SLIT1: variants seen among roughly 807,000 people sequenced by gnomAD.
SLIT1 encodes the protein slit homolog 1 protein.
A neutral mutation model predicts 186.1 loss-of-function variants in SLIT1; 66 were observed. The ratio of observed to expected loss-of-function variants is 0.35; its 90% confidence interval spans 0.29 to 0.44. The LOEUF is 0.44. Among genes scored for constraint, SLIT1 ranks in the 20% least tolerant of loss-of-function variants. SLIT1 has a pLI of 1.00. For synonymous variants in SLIT1, 761 were observed against 833.8 expected (o/e 0.91, Z 1.50); for missense variants, 1,638 against 2,037.4 (o/e 0.80, Z 3.77).
chr10:97,064,099 C>T, intron 7 of SLIT1, 69 bp downstream of exon 7: 1 of 1,315,614 alleles, frequency 7.6e-7, no homozygotes, highest in African/African-American at 1.5e-5. Context: ...CCTTCACCTC[C>T]TGCCCCACCC....
intron 4 of SLIT1, among the ~76,000 whole-genome samples, chr10:97,119,912 G>GATAT (rs1564680617): frequency 6.3e-5 from 1 of 15,840 alleles, no homozygotes; most frequent in East Asian, 1.5e-3. Flanking sequence ...TTTCCAAAGG[G>GATAT]GTATATATAT....
chr10:97,026,578 T>C (rs1848548191), intron 25 of SLIT1, among the ~76,000 whole-genome samples: 1 of 152,236 alleles, frequency 6.6e-6, no homozygotes, highest in Non-Finnish European at 1.5e-5. Context: ...AATCCTTCCA[T>C]ATTTCCTTTC....
intron 4 of SLIT1, among the ~76,000 whole-genome samples, chr10:97,089,888 G>A (rs1849212063): frequency 6.6e-6 from 1 of 152,176 alleles, no homozygotes; most frequent in Admixed American, 6.5e-5. Context: ...CACTAGCTGG[G>A]TGACTCTGAG....
intron 4 of SLIT1, among the ~76,000 whole-genome samples, chr10:97,087,099 T>TAAA (rs35370922): frequency 2.8e-5 from 4 of 140,794 alleles, no homozygotes; most frequent in Middle Eastern, 3.7e-3. Context: ...TTAAAACAAT[T>TAAA]AAAAAAAAAA....
At position 97,043,323 on chromosome 10, in the gene SLIT1, C is replaced by T. The variant is rs534778036; in HGVS notation, c.1997+47G>A. On this transcript the variant is annotated intron_variant, in intron 19 of 36. Transcript: ENST00000266058. This position sits in a 1 kb window ranked among gnomAD's most constrained non-coding sequence, Gnocchi z 7.0. ...AAGTGGCTGGCCGAGACGGTTGGGA[C>T]GGTTGCTCCAGAGCCCCCGCCCGCC... The T allele has an allele frequency of 3.4e-5, 55 of 1,609,536 alleles. No homozygotes were observed. Among genetic ancestry groups the T allele is most frequent in the East Asian group, 4.5e-5 (2 of 44,880 alleles).
chr10:97,067,654 G>A (rs1453957225), intron 4 of SLIT1, among the ~76,000 whole-genome samples: 1 of 152,174 alleles, frequency 6.6e-6, no homozygotes, highest in Non-Finnish European at 1.5e-5. Flanking sequence ...ATTTCACAGA[G>A]GAGGGAGCTG....
chr10:97,023,054 C>CT (rs777753810), intron 25 of SLIT1, among the ~76,000 whole-genome samples: 234 of 144,666 alleles, frequency 1.6e-3, no homozygotes, highest in African/African-American at 2.2e-3. Context: ...ATACGTGCCT[C>CT]TTTTTTTTTT....
intron 4 of SLIT1, among the ~76,000 whole-genome samples, chr10:97,079,269 TG>T (rs951917756): frequency 6.6e-6 from 1 of 152,082 alleles, no homozygotes; most frequent in Non-Finnish European, 1.5e-5. Flanking sequence ...TTAGTCGGGA[TG>T]GGGGGTGCAG....
chr10:97,185,091 A>C (rs1448637877), intron 1 of SLIT1, among the ~76,000 whole-genome samples: 3 of 152,232 alleles, frequency 2.0e-5, no homozygotes, highest in Non-Finnish European at 4.4e-5. Context: ...CCATGTGCCC[A>C]AAAGGAGACA....
intron 1 of SLIT1, among the ~76,000 whole-genome samples, chr10:97,170,285 G>A (rs1261366328): frequency 1.3e-5 from 2 of 152,352 alleles, no homozygotes; most frequent in East Asian, 3.8e-4. Flanking sequence ...TATAAAATGA[G>A]GATGATGGTA....
At chr10:97,027,005 G>A (rs1218966483) in intron 25 of SLIT1, among the ~76,000 whole-genome samples, 1 of 152,200 alleles carries the variant, frequency 6.6e-6, no homozygotes. Flanking sequence ...TAAATAGGAA[G>A]ACTTCCCCTC....
At chr10:97,042,718 C>A (rs1463568849) in intron 20 of SLIT1, among the ~76,000 whole-genome samples, 183 bp downstream of exon 20, 5 of 152,156 alleles carry the variant, frequency 3.3e-5, no homozygotes, top group African/African-American at 1.2e-4. Flanking sequence ...TATAACCACA[C>A]AAAGACACCA....
rs367791664 is a variant in SLIT1, at chr10:97,157,878, C to T, written c.353G>A (p.Arg118Gln). 6.4e-5 allele frequency: 103 copies of T among 1,613,348 alleles called. No homozygotes were observed. Among genetic ancestry groups the T allele is most frequent in the Non-Finnish European group, 8.3e-5 (98 of 1,179,378 alleles). Residue 118 changes from arginine (R) to glutamine (Q), a missense_variant, in exon 4 of 37, where the codon CGA (arginine) becomes CAA (glutamine). Coordinates refer to ENST00000266058, the MANE Select transcript of SLIT1 (RefSeq NM_003061.3). Reference sequence around the variant, plus strand: ...TTCCGGTAACATGTGCAGCTGGTTTCGGTTCAGTCGCCTATAAAAGAGAAG... The same window carrying T: ...TTCCGGTAACATGTGCAGCTGGTTTTGGTTCAGTCGCCTATAAAAGAGAAG... ...MKELERLRLN[R>Q]NQLHMLPELL... is the part of the protein sequence containing the mutation.
At position 97,004,935 on chromosome 10, in the gene SLIT1, G is replaced by A. The variant is rs558473974; in HGVS notation, c.3580-112C>T. On this transcript the variant is annotated intron_variant, in intron 32 of 36. Transcript: ENST00000266058. The surrounding 1 kb of genome is among the most constrained non-coding windows in gnomAD (Gnocchi z 5.1). The stretch of plus-strand genomic sequence containing the variant: ...TTGGAAGAGAGATGCTCTGTGCAGA[G>A]CGCTCTTCCCCCACCTGGCCAGCCT... 1 of 1,326,458 alleles carries A rather than the reference G, an allele frequency of 7.5e-7. No homozygotes were observed. The highest frequency in any genetic ancestry group is 1.1e-6 in the Non-Finnish European group (1 of 946,202). The allele number at this position is 1,326,458 out of a possible 1,614,324, so 82.2% of individuals were successfully genotyped here.
At chr10:97,151,067 A>G (rs904433690) in intron 4 of SLIT1, among the ~76,000 whole-genome samples, 1 of 151,958 alleles carries the variant, frequency 6.6e-6, no homozygotes, top group African/African-American at 2.4e-5. Flanking sequence ...ATCTGCTGAT[A>G]GGTCAGAGGG....
chr10:97,141,729 A>G (rs562335180), intron 4 of SLIT1, among the ~76,000 whole-genome samples: 4 of 128,396 alleles, frequency 3.1e-5, no homozygotes, highest in Admixed American at 7.3e-5. Flanking sequence ...ATTGTATTGT[A>G]CTGTATTGTA....
chr10:97,146,352 G>A (rs1185818006), intron 4 of SLIT1, among the ~76,000 whole-genome samples: 1 of 152,198 alleles, frequency 6.6e-6, no homozygotes, highest in African/African-American at 2.4e-5. Context: ...CAAAAATTGA[G>A]TTGGTCAAAA....
At chr10:97,018,508 G>T in intron 28 of SLIT1, 78 bp downstream of exon 28, 1 of 884,550 alleles carries the variant, frequency 1.1e-6, no homozygotes, top group Non-Finnish European at 1.8e-6. Context: ...GGCCATCCCT[G>T]ATGGAGAGGA....
intron 4 of SLIT1, among the ~76,000 whole-genome samples, chr10:97,141,583 A>G (rs116373195): frequency 0.02 from 2,972 of 152,286 alleles, 94 homozygotes; most frequent in African/African-American, 0.068. Context: ...CCTGGAGAGG[A>G]CACATTGCCT....
Sources: allele counts gnomAD v4.1 joint callset (sites outside exome capture counted in the v4.1 genomes callset), GRCh38; gene constraint gnomAD v4.1.1; non-coding constraint Gnocchi (gnomAD v3.1); transcripts MANE v1.5; gene names NCBI Gene and HGNC (gene_info 2026-07-23, HGNC 2026-07-21).